KIFC2: variants seen among roughly 807,000 people sequenced by gnomAD.
KIFC2 encodes kinesin family member C2.
KIFC2 carries 94 observed loss-of-function variants against 91.5 expected under a neutral mutation model. The ratio of observed to expected loss-of-function variants is 1.03; its 90% CI spans 0.87 to 1.22. The LOEUF (loss-of-function observed/expected upper bound fraction) is 1.22. Ranked by LOEUF, KIFC2 falls within the 50% of genes most tolerant of loss-of-function variation. The pLI is 0.00. For synonymous variants in KIFC2, 729 were observed against 503.9 expected (o/e 1.45, Z -5.98); for missense variants, 1,357 against 1,103.3 (o/e 1.23, Z -3.26).
chr8:144,467,384 C>T (rs757938993), intron 4 of KIFC2, 43 bp downstream of exon 4: 50 of 1,553,738 alleles, frequency 3.2e-5, no homozygotes, highest in South Asian at 6.1e-5. Flanking sequence ...CTGGAGGGAG[C>T]AAATCCCGGT....
rs1198345817 is a variant in KIFC2 at position 144,469,539 on chromosome 8, T to C, written c.1272T>C (p.Leu424=). ...TGAGGCCAGGGACATCTTCTAGCCT[T>C]GTGAGTGTGGAGCCTGGCCCAGGGG... ...CRLRPGTSSS[L]VSVEPGPGGT... is the part of the protein sequence containing the mutation. The change falls in exon 12 of 18, where the codon CTT becomes CTC. Residue 424 remains leucine, a synonymous_variant. Transcript: ENST00000645548. The C allele has an allele frequency of 6.2e-7, 1 of 1,613,890 alleles. No homozygotes were observed. The highest frequency in any genetic ancestry group is 8.5e-7 in the Non-Finnish European group (1 of 1,180,004).
intron 12 of KIFC2, among the ~76,000 whole-genome samples, chr8:144,470,919 A>AC (rs1392234872): frequency 2.0e-5 from 3 of 151,816 alleles, no homozygotes; most frequent in African/African-American, 4.8e-5. Flanking sequence ...CTCCAATCAT[A>AC]CCCAGGTTTG....
Position 144,473,149 on chromosome 8 carries a change from G to A in KIFC2, c.2136G>A (p.Glu712=). The change falls in exon 18 of 18, where the codon GAG becomes GAA. Residue 712 remains glutamate, a synonymous_variant. Transcript: ENST00000645548. ...GCCCGCAGATCTCCACGCGGCCGGAGGATCTCGGGGAGACAGTCTGCTCCC... is the reference window on the plus strand; with the variant it reads ...GCCCGCAGATCTCCACGCGGCCGGAAGATCTCGGGGAGACAGTCTGCTCCC... The part of the protein sequence containing the change: ...VLLLQISTRP[E]DLGETVCSLK... 1 of 1,567,260 alleles carries A rather than the reference G, an allele frequency of 6.4e-7. No homozygotes were observed. The highest frequency in any genetic ancestry group is 8.6e-7 in the Non-Finnish European group (1 of 1,156,930).
Position 144,469,286 on chromosome 8 carries a change from G to C in KIFC2, c.1129G>C (p.Gly377Arg), listed in dbSNP as rs199580621. The change falls in exon 11 of 18, where the codon GGG becomes CGG. Residue 377 changes from glycine (G) to arginine (R), a missense_variant. Gly to Arg is a moderately radical substitution (Grantham distance 125, BLOSUM62 -2). Transcript: ENST00000645548. The part of the protein sequence containing the change: ...EARGQVSWAL[G>R]ALSSGGPGTQ... ...GTTCCCTCAGGTGTCCTGGGCCTTG[G>C]GGGCACTGTCATCTGGAGGGCCTGG... 1.4e-5 allele frequency: 22 copies of C among 1,599,646 alleles called. No homozygotes were observed. The highest frequency in any genetic ancestry group is 1.8e-5 in the Admixed American group (1 of 57,016).
In KIFC2 at chr8:144,467,963, C is replaced by G. The variant is rs753022270; in HGVS notation, c.786C>G (p.Pro262=). ...GGGACCTCCTGCTGCACTGGGGCCC[C>G]GGGCCCCCCATCAGGGCTCCGCAGG... ...LMRDLLLHWG[P]GPPIRAPQEE... is the part of the protein sequence containing the mutation. The change falls in exon 7 of 18, where the codon CCC becomes CCG. Residue 262 remains proline (P), a synonymous_variant. Coordinates refer to ENST00000645548, the MANE Select transcript of KIFC2 (RefSeq NM_001369769.2). 2.5e-6 allele frequency: 4 copies of G among 1,585,706 alleles called. No homozygotes were observed. Among genetic ancestry groups the G allele is most frequent in the South Asian group, 1.1e-5 (1 of 87,106 alleles).
rs111520306 is a variant in KIFC2 at position 144,467,842 on chromosome 8, G to T, written c.682-17G>T. 137 of 1,613,474 alleles carry T rather than the reference G, an allele frequency of 8.5e-5. No homozygotes were observed. In the African/African-American group the frequency reaches 1.5e-3, roughly 18 times the overall value. ...AGGGGGTGCTTCAGGTGAGTGCCGAGGTTTCCTCTCCACCAGGGGGCGACG... is the reference window on the plus strand; with the variant it reads ...AGGGGGTGCTTCAGGTGAGTGCCGATGTTTCCTCTCCACCAGGGGGCGACG... On this transcript the variant is annotated splice_polypyrimidine_tract_variant and intron_variant, in intron 6 of 17. Transcript: ENST00000645548.
At position 144,472,176 on chromosome 8, in the gene KIFC2, G is replaced by A; in HGVS notation, c.1524G>A (p.Leu508=). Reference sequence around the variant, plus strand: ...ACCCCGGCATAGTTCCTAGGGCGCTGCAGTCGCTGTTCCGGGAGATGGGGG... The same window carrying A: ...ACCCCGGCATAGTTCCTAGGGCGCTACAGTCGCTGTTCCGGGAGATGGGGG... ...PEDPGIVPRA[L]QSLFREMGAG... is the part of the protein sequence containing the mutation. Residue 508 remains leucine (L), a synonymous_variant, in exon 14 of 18, where the codon CTG becomes CTA. Transcript: ENST00000645548. The A allele has an allele frequency of 2.5e-6, 4 of 1,613,338 alleles. No homozygotes were observed. The highest frequency in any genetic ancestry group is 2.5e-6 in the Non-Finnish European group (3 of 1,180,014).
rs1268419091 is a variant in KIFC2, at chr8:144,472,136, A to G, written c.1486-2A>G. 4 of 1,613,154 alleles carry G rather than the reference A, an allele frequency of 2.5e-6. No individual in the cohort carries two copies. The highest frequency in any genetic ancestry group is 2.5e-6 in the Non-Finnish European group (3 of 1,179,970). ...CCGGTGTGCACCCCACCCCATCCTC[A>G]GGGCCCTCCTGAGGACCCCGGCATA... On this transcript the variant is annotated splice_acceptor_variant, in intron 13 of 17. Transcript: ENST00000645548. LOFTEE classifies it high-confidence loss of function.
upstream of KIFC2, chr8:144,466,193 T>G: frequency 1.1e-5 from 2 of 174,780 alleles, no homozygotes; most frequent in Non-Finnish European, 1.2e-5. Flanking sequence ...GGTGTAGGGG[T>G]TGGGGCGCGC....
intron 16 of KIFC2, 42 bp from the exon 17 acceptor site, chr8:144,472,753 A>C (rs747172171): frequency 1.3e-6 from 2 of 1,591,726 alleles, no homozygotes; most frequent in East Asian, 4.5e-5. Context: ...AGAGCACCCG[A>C]GGCCCGGCCT....
At position 144,472,512 on chromosome 8, in the gene KIFC2, C is replaced by T. The variant is rs752786834; in HGVS notation, c.1731+28C>T. 3.1e-6 allele frequency: 5 copies of T among 1,611,310 alleles called. No individual in the cohort carries two copies. The Admixed American group carries it at 8.4e-5, about 27-fold the overall frequency. On this transcript the variant is annotated intron_variant, in intron 15 of 17. Transcript: ENST00000645548. ...AGGGCTGCACCGCTCTCCGAGACCC[C>T]GCCCCGTGCTTCCACTTGGGGGCGG...
At chr8:144,466,596 C>A (rs1824648689) in intron 1 of KIFC2, 78 bp downstream of exon 1, 3 of 895,316 alleles carry the variant, frequency 3.4e-6, no homozygotes, top group South Asian at 9.4e-5. Flanking sequence ...GGGGCGGGGG[C>A]GGGCACGGGG....
rs1008415961 is a variant in KIFC2, at chr8:144,472,756, C to T, written c.1862-39C>T. The T allele has an allele frequency of 2.5e-6, 4 of 1,591,120 alleles. No individual in the cohort carries two copies. In the African/African-American group the frequency reaches 4.0e-5, roughly 16 times the overall value. On this transcript the variant is annotated intron_variant, in intron 16 of 17. Coordinates refer to ENST00000645548, the MANE Select transcript of KIFC2 (RefSeq NM_001369769.2). ...TGCGGAGTCTCCAGAGCACCCGAGG[C>T]CCGGCCTTCCCCCATGTCGGGCTCG...
intron 10 of KIFC2, 27 bp from the exon 11 acceptor site, chr8:144,469,244 G>T: frequency 6.6e-7 from 1 of 1,510,206 alleles, no homozygotes; most frequent in Non-Finnish European, 9.0e-7. Context: ...CTGACCCCTT[G>T]CCTTCTGTAC....
At position 144,467,616 on chromosome 8, in the gene KIFC2, C is replaced by T. The variant is rs148072403; in HGVS notation, c.601C>T (p.Leu201Phe). 3.7e-5 allele frequency: 59 copies of T among 1,596,300 alleles called. No homozygotes were observed. The African/African-American group carries it at 7.5e-4, about 20-fold the overall frequency. Residue 201 changes from leucine to phenylalanine, a missense_variant, in exon 5 of 18, where the codon CTC (leucine) becomes TTC (phenylalanine). Coordinates refer to ENST00000645548, the MANE Select transcript of KIFC2 (RefSeq NM_001369769.2). ...GAGGGCGTGGCAGCGGCTGGAGCAG[C>T]TCATCCTGGGACAGGTGAGGTCCCT... is the stretch of plus-strand genomic sequence containing the variant. Reference protein sequence around the residue: ...DQRAWQRLEQLILGQLEELKQ... With the variant: ...DQRAWQRLEQFILGQLEELKQ...
chr8:144,472,774 C>T, intron 16 of KIFC2, 21 bp from the exon 17 acceptor site: 1 of 1,591,212 alleles, frequency 6.3e-7, no homozygotes, highest in Non-Finnish European at 8.5e-7. Flanking sequence ...TCCCCCATGT[C>T]GGGCTCGCTC....
chr8:144,466,417 C>A lies in KIFC2; in HGVS notation c.-3C>A. ...GCGGGGCCCTCTGCCGCCCCGCGCT[C>A]CCATGTACGCCTTTTACTCGTTGCT... On this transcript the variant is annotated 5_prime_UTR_variant, in exon 1 of 18. Transcript: ENST00000645548. 7.6e-7 allele frequency: 1 copy of A among 1,311,294 alleles called. No homozygotes were observed. The highest frequency in any genetic ancestry group is 1.8e-5 in the South Asian group (1 of 55,228). 81.2% of individuals were successfully genotyped at this position (1,311,294 alleles called of 1,614,324 possible). A position where few individuals can be genotyped will look rare whatever the true frequency, so the allele number is the denominator to read the frequency against.
intron 7 of KIFC2, 53 bp from the exon 8 acceptor site, chr8:144,468,276 G>A: frequency 6.7e-7 from 1 of 1,481,678 alleles, no homozygotes; most frequent in African/African-American, 1.4e-5. Flanking sequence ...TCTGTGAAAT[G>A]GTACCACAGA....
intron 7 of KIFC2, 26 bp from the exon 8 acceptor site, chr8:144,468,303 C>A: frequency 6.3e-7 from 1 of 1,584,502 alleles, no homozygotes; most frequent in Non-Finnish European, 8.6e-7. Context: ...CTCTCTGAGT[C>A]CCTCCTGGCC....
Sources: allele counts gnomAD v4.1 joint callset (sites outside exome capture counted in the v4.1 genomes callset), GRCh38; gene constraint gnomAD v4.1.1; transcripts MANE v1.5; gene names NCBI Gene and HGNC (gene_info 2026-07-23, HGNC 2026-07-21).